RPL14: variants seen among roughly 807,000 people sequenced by gnomAD.
RPL14 encodes the protein ribosomal protein L14, also known as large ribosomal subunit protein eL14.
Under a neutral mutation model 25.3 loss-of-function variants are expected in RPL14, and 4 were observed. The ratio of observed to expected loss-of-function variants is 0.16; its 90% confidence interval spans 0.08 to 0.36. The LOEUF (loss-of-function observed/expected upper bound fraction) is 0.36, where lower values mean the gene tolerates loss of function less well. Ranked by LOEUF, RPL14 falls within the 10% of genes least tolerant of loss-of-function variation. RPL14 has a pLI of 1.00. For missense variants in RPL14, 212 were observed against 261.9 expected, an observed-to-expected ratio of 0.81 and a Z score of 1.31; for synonymous variants, 75 against 89.8, an observed-to-expected ratio of 0.84 and a Z score of 0.93.
rs1200717344 is a variant in RPL14, at chr3:40,467,224, A to G, written c.*4992A>G. 1 of 152,190 alleles carries G rather than the reference A, an allele frequency of 6.6e-6. No homozygotes were observed. The highest frequency in any genetic ancestry group is 2.4e-5 in the African/African-American group (1 of 41,464). The allele number at this position is 152,190 out of a possible 1,614,324, so 9.4% of individuals were successfully genotyped here. On this transcript the variant is annotated 3_prime_UTR_variant, in exon 6 of 6. Transcript: ENST00000396203. ...GAGATCTTATCTAGTCAGCCTCTAA[A>G]TTAGAGTTCTTCAGAAAACCAATGG...
rs1025163399 is a variant in RPL14, at chr3:40,467,493, C to G, written c.*5261C>G. 6.6e-6 allele frequency: 1 copy of G among 152,456 alleles called. No homozygotes were observed. Among genetic ancestry groups the G allele is most frequent in the African/African-American group, 2.4e-5 (1 of 41,456 alleles). 9.4% of individuals were successfully genotyped at this position (152,456 alleles called of 1,614,324 possible). ...GATTAAAAAAGCAAATTCACGCTTC[C>G]TCCCCCATTTTGTTCTATTTGAACC... On this transcript the variant is annotated 3_prime_UTR_variant, in exon 6 of 6. Coordinates refer to ENST00000396203, the MANE Select transcript of RPL14 (RefSeq NM_001034996.3).
rs935056301 is a variant in RPL14 at position 40,465,865 on chromosome 3, G to A, written c.*3633G>A. 1 of 152,164 alleles carries A rather than the reference G, an allele frequency of 6.6e-6. No homozygotes were observed. The highest frequency in any genetic ancestry group is 1.5e-5 in the Non-Finnish European group (1 of 68,048). 9.4% of individuals were successfully genotyped at this position (152,164 alleles called of 1,614,324 possible). A position where few individuals can be genotyped will look rare whatever the true frequency, so the allele number is the denominator to read the frequency against. ...GGCATACGATGCCTGAAAAGGAGTA[G>A]AAAATAAAATTAATAAGGTGGGACC... On this transcript the variant is annotated 3_prime_UTR_variant, in exon 6 of 6. Coordinates refer to ENST00000396203, the MANE Select transcript of RPL14 (RefSeq NM_001034996.3).
intron 1 of RPL14, 38 bp downstream of exon 1, chr3:40,457,512 C>T: frequency 6.8e-7 from 1 of 1,468,132 alleles, no homozygotes; most frequent in Non-Finnish European, 9.3e-7. Context: ...CGGAATCGGG[C>T]CCTTCCCGGA....
In RPL14 at chr3:40,465,651, G is replaced by GA. The variant is rs1438798315; in HGVS notation, c.*3422dup. The GA allele has an allele frequency of 4.6e-5, 7 of 152,344 alleles. No homozygotes were observed. Among genetic ancestry groups the GA allele is most frequent in the Admixed American group, 4.6e-4 (7 of 15,288 alleles). 9.4% of individuals were successfully genotyped at this position (152,344 alleles called of 1,614,324 possible). On this transcript the variant is annotated 3_prime_UTR_variant, in exon 6 of 6. Transcript: ENST00000396203. The stretch of plus-strand genomic sequence containing the variant: ...ATACAGGTTGTAATTCCTTATGGAG[G>GA]AAAGGGGAGAGCACTTTTGTCAGAC...
In RPL14 at chr3:40,461,947, A is replaced by C. The variant is rs145518013; in HGVS notation, c.363A>C (p.Arg121Ser). 1 of 1,598,428 alleles carries C rather than the reference A, an allele frequency of 6.3e-7. No individual in the cohort carries two copies. The highest frequency in any genetic ancestry group is 8.5e-7 in the Non-Finnish European group (1 of 1,174,996). ...KVMKAKKMRN[R>S]IIKNEVKKLQ... ...ACATTGATAATTTTCAGAGGAACAGAATAATCAAGAATGAAGTTAAGAAGC... is the reference window on the plus strand; with the variant it reads ...ACATTGATAATTTTCAGAGGAACAGCATAATCAAGAATGAAGTTAAGAAGC... The change falls in exon 6 of 6, where the codon AGA (arginine) becomes AGC (serine). Residue 121 changes from arginine (R) to serine (S), a missense_variant. By Grantham distance (110) the Arg-to-Ser change is moderately radical. Coordinates refer to ENST00000396203, the MANE Select transcript of RPL14 (RefSeq NM_001034996.3).
At chr3:40,460,344 C>T (rs965045908) in intron 3 of RPL14, among the ~76,000 whole-genome samples, 77 of 151,754 alleles carry the variant, frequency 5.1e-4, no homozygotes, top group Non-Finnish European at 1.8e-4. Flanking sequence ...CCTAGCCAAC[C>T]CCGTCTCCAC....
In RPL14 at chr3:40,457,438, C is replaced by T. The variant is rs1696858541; in HGVS notation, c.-34C>T. 6.3e-7 allele frequency: 1 copy of T among 1,581,196 alleles called. No individual in the cohort carries two copies. Among genetic ancestry groups the T allele is most frequent in the East Asian group, 2.4e-5 (1 of 42,512 alleles). On this transcript the variant is annotated 5_prime_UTR_variant, in exon 1 of 6. Transcript: ENST00000396203. Reference sequence around the variant, plus strand: ...CTCCACCTCCGCTGGGAAGCTGAGGCGCCAAACGGCTCCCAGAGGGTCCCG... The same window carrying T: ...CTCCACCTCCGCTGGGAAGCTGAGGTGCCAAACGGCTCCCAGAGGGTCCCG...
At position 40,464,548 on chromosome 3, in the gene RPL14, A is replaced by G. The variant is rs1396798980; in HGVS notation, c.*2316A>G. 1 of 455,940 alleles carries G rather than the reference A, an allele frequency of 2.2e-6. No individual in the cohort carries two copies. Among genetic ancestry groups the G allele is most frequent in the South Asian group, 1.5e-5 (1 of 64,528 alleles). 28.2% of individuals were successfully genotyped at this position (455,940 alleles called of 1,614,324 possible). A position where few individuals can be genotyped will look rare whatever the true frequency, so the allele number is the denominator to read the frequency against. On this transcript the variant is annotated 3_prime_UTR_variant, in exon 6 of 6. Coordinates refer to ENST00000396203, the MANE Select transcript of RPL14 (RefSeq NM_001034996.3). The stretch of plus-strand genomic sequence containing the variant: ...AGAGGACTGGCTCGGGACCACATCA[A>G]GGAAGTAGGTTAGTGGTTAGATCGT...
Position 40,467,208 on chromosome 3 carries a change from T to C in RPL14, c.*4976T>C, listed in dbSNP as rs1180992668. On this transcript the variant is annotated 3_prime_UTR_variant, in exon 6 of 6. Transcript: ENST00000396203. ...TTCTTAATACGTTCTGGAGATCTTA[T>C]CTAGTCAGCCTCTAAATTAGAGTTC... 3 of 152,196 alleles carry C rather than the reference T, an allele frequency of 2.0e-5. No homozygotes were observed. Among genetic ancestry groups the C allele is most frequent in the Non-Finnish European group, 2.9e-5 (2 of 68,034 alleles). The allele number at this position is 152,196 out of a possible 1,614,324, so 9.4% of individuals were successfully genotyped here. A position where few individuals can be genotyped will look rare whatever the true frequency, so the allele number is the denominator to read the frequency against.
At position 40,457,871 on chromosome 3, in the gene RPL14, C is replaced by G; in HGVS notation, c.4-19C>G. The stretch of plus-strand genomic sequence containing the variant: ...GTATTTCTAAGTAAGTTTCACTGTC[C>G]TTTCTCCTCCAATTTTAGGTGTTCA... On this transcript the variant is annotated intron_variant, in intron 1 of 5. Coordinates refer to ENST00000396203, the MANE Select transcript of RPL14 (RefSeq NM_001034996.3). 1 of 1,609,594 alleles carries G rather than the reference C, an allele frequency of 6.2e-7. No homozygotes were observed. The highest frequency in any genetic ancestry group is 8.5e-7 in the Non-Finnish European group (1 of 1,175,766).
In RPL14 at chr3:40,462,158, C is replaced by T. The variant is rs1286521534; in HGVS notation, c.574C>T (p.Pro192Ser). 8 of 1,612,574 alleles carry T rather than the reference C, an allele frequency of 5.0e-6. No homozygotes were observed. Among genetic ancestry groups the T allele is most frequent in the African/African-American group, 1.3e-5 (1 of 74,818 alleles). Residue 192 changes from proline (P) to serine (S), a missense_variant, in exon 6 of 6, where the codon CCA (proline) becomes TCA (serine). By Grantham distance (74) the Pro-to-Ser change is moderately conservative. This residue lies in a region of RPL14 where 66 missense variants were observed against 62.6 expected (regional missense o/e 1.05). Transcript: ENST00000396203. ...CACAGGCCAGAAAGCAGCGCCTGCT[C>T]CAAAAGCTCAGAAGGGTCAAAAAGC... ...KATGQKAAPA[P>S]KAQKGQKAPA... is the part of the protein sequence containing the mutation.
chr3:40,457,748 G>A (rs1696866720), intron 1 of RPL14, 142 bp from the exon 2 acceptor site: 6 of 807,944 alleles, frequency 7.4e-6, no homozygotes, highest in Admixed American at 7.1e-5. Flanking sequence ...GTCCATCCAG[G>A]TTGGCGCCTG....
chr3:40,457,610 C>G, intron 1 of RPL14, 136 bp downstream of exon 1: 1 of 736,598 alleles, frequency 1.4e-6, no homozygotes, highest in Non-Finnish European at 2.2e-6. Context: ...CGCGCCTCCG[C>G]CGCTGGAGCT....
chr3:40,458,387 T>C (rs945220067), intron 2 of RPL14: 1 of 530,576 alleles, frequency 1.9e-6, no homozygotes, highest in Non-Finnish European at 3.4e-6. Context: ...GCCTGTAAAT[T>C]ACATGTGGTT....
chr3:40,458,822 G>A, intron 3 of RPL14, 86 bp downstream of exon 3: 2 of 981,564 alleles, frequency 2.0e-6, no homozygotes, highest in Non-Finnish European at 3.2e-6. Flanking sequence ...CAATACGGAA[G>A]ATTCAGAGCC....
At chr3:40,461,882 A>G (rs1237821971) in intron 5 of RPL14, 57 bp from the exon 6 acceptor site, 3 of 1,530,642 alleles carry the variant, frequency 2.0e-6, no homozygotes, top group Admixed American at 4.4e-5. Flanking sequence ...ACCAGCATAA[A>G]TTGGATTTTA....
intron 3 of RPL14, among the ~76,000 whole-genome samples, chr3:40,460,659 G>T (rs1264642262): frequency 6.6e-6 from 1 of 151,612 alleles, no homozygotes; most frequent in Non-Finnish European, 1.5e-5. Flanking sequence ...TGTCACCCAG[G>T]CTAGAGTGCA....
rs542249256 is a variant in RPL14 at position 40,462,119 on chromosome 3, C to G, written c.535C>G (p.Pro179Ala). The change falls in exon 6 of 6, where the codon CCT (proline) becomes GCT (alanine). Residue 179 changes from proline to alanine, a missense_variant. Around this residue, in one of 3 missense-constraint regions of RPL14, gnomAD observed 66 missense variants for 62.6 expected, o/e 1.05. Coordinates refer to ENST00000396203, the MANE Select transcript of RPL14 (RefSeq NM_001034996.3). ...ASKKAPAQKV[P>A]AQKATGQKAA... Reference sequence around the variant, plus strand: ...TAAAAAGGCTCCAGCCCAGAAGGTTCCTGCCCAGAAAGCCACAGGCCAGAA... The same window carrying G: ...TAAAAAGGCTCCAGCCCAGAAGGTTGCTGCCCAGAAAGCCACAGGCCAGAA... 4.3e-4 allele frequency: 698 copies of G among 1,611,980 alleles called. 10 individuals are homozygous for G. The South Asian group carries it at 6.9e-3, about 16-fold the overall frequency.
intron 3 of RPL14, among the ~76,000 whole-genome samples, chr3:40,460,862 G>A (rs150538107): frequency 6.6e-6 from 1 of 152,076 alleles, no homozygotes; most frequent in South Asian, 2.1e-4. Flanking sequence ...GATTACAGGT[G>A]TGAGCCACTG....
Sources: gnomAD v4.1 joint callset for allele counts (sites outside exome capture counted in the v4.1 genomes callset) on GRCh38, gnomAD v4.1.1 for gene constraint, gnomAD v4.1.1 regional missense constraint, MANE v1.5 for transcripts, NCBI Gene and HGNC (gene_info 2026-07-23, HGNC 2026-07-21) for gene names.